The following ANKDD1A variants were observed in gnomAD, a reference collection of about 807,000 sequenced individuals.
ANKDD1A encodes the protein ankyrin repeat and death domain-containing protein 1A.
A neutral mutation model predicts 63.5 loss-of-function variants in ANKDD1A; 59 were observed. That is an observed-to-expected ratio of 0.93 (90% confidence interval 0.75 to 1.15). The LOEUF (loss-of-function observed/expected upper bound fraction) is 1.15, where lower values mean the gene tolerates loss of function less well. ANKDD1A is among the 50% of genes most tolerant of loss of function. The pLI, the probability that ANKDD1A is intolerant of heterozygous loss-of-function variation, is 0.00. For synonymous variants in ANKDD1A, 266 were observed against 263.9 expected, an observed-to-expected ratio of 1.01 and a Z score of -0.08; for missense variants, 632 against 656.4, an observed-to-expected ratio of 0.96 and a Z score of 0.41.
At chr15:64,947,306 G>A in intron 12 of ANKDD1A, 98 bp from the exon 13 acceptor site, 5 of 1,282,144 alleles carry the variant, frequency 3.9e-6, no homozygotes, top group Non-Finnish European at 5.4e-6. Context: ...AGGCACCCCA[G>A]CAGAGGTGGT....
rs753034410 is a variant in ANKDD1A, at chr15:64,926,883, G to T, written c.472-18G>T. ...TGACAGAGTGAGGAAGGCTCACACC[G>T]CTTCTCCTCCCGGCCAGCTGGGGAG... is the stretch of plus-strand genomic sequence containing the variant. On this transcript the variant is annotated intron_variant, in intron 5 of 14. Coordinates refer to ENST00000319580, the MANE Select transcript of ANKDD1A (RefSeq NM_182703.6). The T allele has an allele frequency of 6.2e-7, 1 of 1,613,854 alleles. No individual in the cohort carries two copies.
chr15:64,931,452 C>A (rs1245195090), intron 7 of ANKDD1A, 35 bp from the exon 8 acceptor site: 4 of 1,595,638 alleles, frequency 2.5e-6, no homozygotes, highest in African/African-American at 2.7e-5. Context: ...GGTGGGCCTC[C>A]CCACCATCCT....
chr15:64,951,017 C>A lies in ANKDD1A; in HGVS notation c.1483+1045C>A, dbSNP rs576005292. On this transcript the variant is annotated intron_variant, in intron 14 of 14. Transcript: ENST00000319580. The stretch of plus-strand genomic sequence containing the variant: ...CCCAGGAGGTGCACAGCCATGTAAC[C>A]GGAGGGGCCAGACCTTCAGGCACGT... The A allele has an allele frequency of 2.8e-5, 35 of 1,270,768 alleles. No individual in the cohort carries two copies. In the African/African-American group the frequency reaches 4.7e-4, roughly 17 times the overall value. The allele number at this position is 1,270,768 out of a possible 1,614,324, so 78.7% of individuals were successfully genotyped here. A position where few individuals can be genotyped will look rare whatever the true frequency, so the allele number is the denominator to read the frequency against.
Position 64,943,539 on chromosome 15 carries a change from A to T in ANKDD1A, c.1022A>T (p.Asp341Val), listed in dbSNP as rs1178387723. 2 of 1,614,056 alleles carry T rather than the reference A, an allele frequency of 1.2e-6. No homozygotes were observed. Among genetic ancestry groups the T allele is most frequent in the Non-Finnish European group, 1.7e-6 (2 of 1,180,034 alleles). Residue 341 changes from aspartate to valine, a missense_variant, in exon 11 of 15, where the codon GAT becomes GTT. By Grantham distance (152) the Asp-to-Val change is radical. Coordinates refer to ENST00000319580, the MANE Select transcript of ANKDD1A (RefSeq NM_182703.6). ...AAEHAWQDIA[D>V]MLLIAGVDLN... ...GAGCACGCCTGGCAGGACATAGCAG[A>T]TATGCTCCTCATTGCTGGGGTTGAC... is the stretch of plus-strand genomic sequence containing the variant.
At chr15:64,913,956 T>A (rs1490809051) in intron 1 of ANKDD1A, 1 of 151,966 alleles carries the variant, frequency 6.6e-6, no homozygotes, top group African/African-American at 2.4e-5. Flanking sequence ...ATTGTTGGTG[T>A]CACTCATACA....
chr15:64,915,727 T>C, intron 1 of ANKDD1A, 70 bp from the exon 2 acceptor site: 2 of 1,351,676 alleles, frequency 1.5e-6, no homozygotes, highest in Non-Finnish European at 2.1e-6. Flanking sequence ...TGGAAATGGG[T>C]TGTTTACCTC....
At chr15:64,951,837 ATTCTTTCTTCTTCTTTCTTCTTCCTC>A (rs1257826063) in intron 14 of ANKDD1A, among the ~76,000 whole-genome samples, 1 of 51,360 alleles carries the variant, frequency 1.9e-5, no homozygotes, top group African/African-American at 7.0e-5. Flanking sequence ...CATCCTTCTT[ATTCTTTCTTCTTCTTTCTTCTTCCTC>A]TTCTTTTTCT....
At chr15:64,920,230 A>C (rs781340107) in intron 3 of ANKDD1A, among the ~76,000 whole-genome samples, 11 of 152,138 alleles carry the variant, frequency 7.2e-5, no homozygotes, top group Non-Finnish European at 1.2e-4. Context: ...ACAGAGAAGA[A>C]AAGACTCCGG....
intron 3 of ANKDD1A, among the ~76,000 whole-genome samples, chr15:64,921,309 A>G (rs1271700155): frequency 6.6e-6 from 1 of 152,202 alleles, no homozygotes; most frequent in African/African-American, 2.4e-5. Context: ...TTGGTTCCTT[A>G]CAAATTTTTT....
At chr15:64,943,724 T>G in intron 11 of ANKDD1A, 142 bp downstream of exon 11, 1 of 770,992 alleles carries the variant, frequency 1.3e-6, no homozygotes, top group East Asian at 2.6e-5. Flanking sequence ...AAATGCAGCC[T>G]CCTCCAGGAA....
chr15:64,928,254 C>G (rs1263312116), intron 6 of ANKDD1A, among the ~76,000 whole-genome samples: 1 of 152,218 alleles, frequency 6.6e-6, no homozygotes, highest in Non-Finnish European at 1.5e-5. Flanking sequence ...TGCACTGAGT[C>G]CATCCACACT....
chr15:64,952,939 C>CT (rs2140389612), intron 14 of ANKDD1A, among the ~76,000 whole-genome samples: 1 of 63,086 alleles, frequency 1.6e-5, no homozygotes, highest in Admixed American at 2.1e-4. Flanking sequence ...TCTTCTTCCT[C>CT]TTCTTCCTTC....
In ANKDD1A at chr15:64,917,232, G is replaced by A. The variant is rs368841645; in HGVS notation, c.139-154G>A. ...GCTGCCATGTAGGAGAGGAGCATGT[G>A]GCAGAATGGGGCTGGGTCCCCAGCT... is the stretch of plus-strand genomic sequence containing the variant. On this transcript the variant is annotated intron_variant, in intron 2 of 14. Coordinates refer to ENST00000319580, the MANE Select transcript of ANKDD1A (RefSeq NM_182703.6). 4.4e-4 allele frequency among the ~76,000 whole-genome samples: 67 copies of A among 152,290 alleles called. 1 individual carries two copies. The highest frequency in any genetic ancestry group is 1.4e-3 in the African/African-American group (60 of 41,566).
At chr15:64,925,717 G>A (rs2085041310) in intron 4 of ANKDD1A, among the ~76,000 whole-genome samples, 1 of 152,188 alleles carries the variant, frequency 6.6e-6, no homozygotes, top group African/African-American at 2.4e-5. Flanking sequence ...TACCTTTCCT[G>A]TAGGTCCAGT....
chr15:64,952,508 TC>T (rs896144039), intron 14 of ANKDD1A, among the ~76,000 whole-genome samples: 7 of 65,376 alleles, frequency 1.1e-4, no homozygotes, highest in African/African-American at 4.0e-4. Context: ...TTCTCCTTCT[TC>T]TTACTTTCTT....
intron 3 of ANKDD1A, among the ~76,000 whole-genome samples, chr15:64,919,481 C>T (rs1345628300): frequency 6.6e-6 from 1 of 152,108 alleles, no homozygotes; most frequent in African/African-American, 2.4e-5. Context: ...AAAATATGTC[C>T]CCATCTTGGA....
intron 14 of ANKDD1A, chr15:64,950,363 T>G (rs998637369): frequency 2.0e-6 from 2 of 985,312 alleles, no homozygotes; most frequent in Non-Finnish European, 2.4e-6. Context: ...TAATATGAGT[T>G]GAACCAGTCA....
At chr15:64,918,783 G>A (rs2084988420) in intron 3 of ANKDD1A, among the ~76,000 whole-genome samples, 1 of 151,914 alleles carries the variant, frequency 6.6e-6, no homozygotes, top group African/African-American at 2.4e-5. Flanking sequence ...TCGAAACCCC[G>A]TCTCTACTAA....
chr15:64,949,510 T>C (rs1029897373), intron 13 of ANKDD1A, among the ~76,000 whole-genome samples: 1 of 152,200 alleles, frequency 6.6e-6, no homozygotes, highest in Non-Finnish European at 1.5e-5. Flanking sequence ...TGCATCATGG[T>C]ACCACAACGA....
Sources: gnomAD v4.1 joint callset for allele counts (sites outside exome capture counted in the v4.1 genomes callset) on GRCh38, gnomAD v4.1.1 for gene constraint, MANE v1.5 for transcripts, NCBI Gene and HGNC (gene_info 2026-07-23, HGNC 2026-07-21) for gene names.